Variants in RAB21 observed in about 807,000 individuals in gnomAD.
The protein encoded by RAB21 is RAB21, member RAS oncogene family.
A neutral mutation model predicts 33.1 loss-of-function variants in RAB21; 13 were observed. The ratio of observed to expected loss-of-function variants is 0.39; its 90% confidence interval spans 0.26 to 0.62. RAB21 has a LOEUF of 0.62. RAB21 is among the 20% of genes least tolerant of loss of function. The probability of loss-of-function intolerance (pLI) is 0.48; values close to 1 mark genes in which losing one functional copy is unlikely to be tolerated. For missense variants in RAB21, 234 were observed against 279.1 expected, an observed-to-expected ratio of 0.84 and a Z score of 1.15; for synonymous variants, 91 against 103.7, an observed-to-expected ratio of 0.88 and a Z score of 0.74.
chr12:71,771,479 T>TC (rs896786964), intron 3 of RAB21, among the ~76,000 whole-genome samples: 21 of 152,194 alleles, frequency 1.4e-4, no homozygotes, highest in Non-Finnish European at 2.8e-4. Context: ...TTATTTTTTT[T>TC]CCCAGTTAAA....
rs1222361207 is a variant in RAB21 at position 71,785,542 on chromosome 12, A to G, written c.547A>G (p.Thr183Ala). ...FLDLCKRMIETAQVDERAKGN... is the reference protein window; with the variant it reads ...FLDLCKRMIEAAQVDERAKGN... ...TCTCTCTGTCTTAGGGATGATAGAA[A>G]CAGCACAAGTGGATGAGAGAGCAAA... is the stretch of plus-strand genomic sequence containing the variant. The change falls in exon 7 of 7, where the codon ACA becomes GCA. Residue 183 changes from threonine to alanine, a missense_variant. Thr to Ala is a moderately conservative substitution (Grantham distance 58, BLOSUM62 0). Transcript: ENST00000261263. 6.2e-7 allele frequency: 1 copy of G among 1,613,972 alleles called. No homozygotes were observed. Among genetic ancestry groups the G allele is most frequent in the Non-Finnish European group, 8.5e-7 (1 of 1,179,942 alleles).
In RAB21 at chr12:71,788,575, A is replaced by G. The variant is rs948630772; in HGVS notation, c.*2902A>G. 2.0e-5 allele frequency: 3 copies of G among 152,178 alleles called. No individual in the cohort carries two copies. The highest frequency in any genetic ancestry group is 4.4e-5 in the Non-Finnish European group (3 of 68,012). The allele number at this position is 152,178 out of a possible 1,614,324, so 9.4% of individuals were successfully genotyped here. On this transcript the variant is annotated 3_prime_UTR_variant, in exon 7 of 7. Transcript: ENST00000261263. ...TTTCTGATGCTTTCTTCATTTCTCT[A>G]ATATACCTTTTGCATTCTTTTTCTG...
At chr12:71,785,461 T>C (rs1314128726) in intron 6 of RAB21, 70 bp from the exon 7 acceptor site, 3 of 1,541,180 alleles carry the variant, frequency 1.9e-6, no homozygotes, top group Non-Finnish European at 2.7e-6. Context: ...CATAGTGTTA[T>C]ACTGAAATTT....
rs1883416964 is a variant in RAB21 at position 71,793,504 on chromosome 12, T to C, written c.*7831T>C. ...CCTCCTGGCCCTTCTGGTTAGAAAA[T>C]AGAGCGAAATCATCCGTTTAAACAC... On this transcript the variant is annotated 3_prime_UTR_variant, in exon 7 of 7. Coordinates refer to ENST00000261263, the MANE Select transcript of RAB21 (RefSeq NM_014999.4). The C allele has an allele frequency of 6.6e-6, 1 of 152,158 alleles. No homozygotes were observed. Among genetic ancestry groups the C allele is most frequent in the Non-Finnish European group, 1.5e-5 (1 of 68,028 alleles). 9.4% of individuals were successfully genotyped at this position (152,158 alleles called of 1,614,324 possible). A position where few individuals can be genotyped will look rare whatever the true frequency, so the allele number is the denominator to read the frequency against.
rs537135649 is a variant in RAB21 at position 71,773,600 on chromosome 12, C to A, written c.328-359C>A. On this transcript the variant is annotated intron_variant, in intron 3 of 6. Transcript: ENST00000261263. ...TAGGGTATAAAAGACTGTTTTAAACCCATATGTTCCTAAGTCCAAAGTGAC... is the reference window on the plus strand; with the variant it reads ...TAGGGTATAAAAGACTGTTTTAAACACATATGTTCCTAAGTCCAAAGTGAC... Among the ~76,000 whole-genome samples, 10 of 152,082 alleles carry A rather than the reference C, an allele frequency of 6.6e-5. No individual in the cohort carries two copies. In the East Asian group the frequency reaches 1.9e-3, roughly 29 times the overall value.
chr12:71,778,962 CTTTAAT>C (rs1297510262), intron 4 of RAB21, among the ~76,000 whole-genome samples: 1 of 152,114 alleles, frequency 6.6e-6, no homozygotes, highest in Non-Finnish European at 1.5e-5. Context: ...CTGTCATGGA[CTTTAAT>C]TGTCTTACAA....
In RAB21 at chr12:71,789,013, T is replaced by G; in HGVS notation, c.*3340T>G. 1 of 151,980 alleles carries G rather than the reference T, an allele frequency of 6.6e-6. No individual in the cohort carries two copies. Among genetic ancestry groups the G allele is most frequent in the African/African-American group, 2.4e-5 (1 of 41,400 alleles). The allele number at this position is 151,980 out of a possible 1,614,324, so 9.4% of individuals were successfully genotyped here. On this transcript the variant is annotated 3_prime_UTR_variant, in exon 7 of 7. Coordinates refer to ENST00000261263, the MANE Select transcript of RAB21 (RefSeq NM_014999.4). ...GCATTGAAATCTTTTTTTTTTTTAA[T>G]AGTAGCCATATGTTATTAGTGGAGT...
chr12:71,767,491 G>GT (rs1044420527), intron 1 of RAB21, among the ~76,000 whole-genome samples: 8 of 151,792 alleles, frequency 5.3e-5, no homozygotes, highest in Non-Finnish European at 7.4e-5. Flanking sequence ...TTGTTGTGGG[G>GT]TTTTTTTTGT....
intron 1 of RAB21, among the ~76,000 whole-genome samples, chr12:71,763,101 GCACACACACACA>G (rs66460518): frequency 6.9e-6 from 1 of 145,468 alleles, no homozygotes; most frequent in Non-Finnish European, 1.5e-5. Flanking sequence ...TATTTTGCAC[GCACACACACACA>G]CACACACACA....
chr12:71,781,022 C>T (rs1883190366), intron 4 of RAB21, among the ~76,000 whole-genome samples: 1 of 152,100 alleles, frequency 6.6e-6, no homozygotes, highest in African/African-American at 2.4e-5. Flanking sequence ...CAGTATTTTG[C>T]AGTTTCTTCA....
chr12:71,757,659 TC>T (rs1209691562), intron 1 of RAB21, among the ~76,000 whole-genome samples: 1 of 152,256 alleles, frequency 6.6e-6, no homozygotes, highest in Non-Finnish European at 1.5e-5. Context: ...ACCTCATCTT[TC>T]TTAACAATTT....
chr12:71,771,276 C>T (rs1883038519), intron 3 of RAB21, among the ~76,000 whole-genome samples: 2 of 152,162 alleles, frequency 1.3e-5, no homozygotes, highest in Non-Finnish European at 2.9e-5. Context: ...AATGAGTTAC[C>T]ATTTAATTAC....
Position 71,787,710 on chromosome 12 carries a change from T to A in RAB21, c.*2037T>A, listed in dbSNP as rs1340086708. The A allele has an allele frequency of 2.0e-5, 3 of 152,176 alleles. No individual in the cohort carries two copies. Among genetic ancestry groups the A allele is most frequent in the Non-Finnish European group, 2.9e-5 (2 of 68,046 alleles). 9.4% of individuals were successfully genotyped at this position (152,176 alleles called of 1,614,324 possible). A position where few individuals can be genotyped will look rare whatever the true frequency, so the allele number is the denominator to read the frequency against. ...TGTCCTTGCTAAACTCAACACAGAC[T>A]TTTCTGTTATGTGTTTTTGAGGAAG... is the stretch of plus-strand genomic sequence containing the variant. On this transcript the variant is annotated 3_prime_UTR_variant, in exon 7 of 7. Coordinates refer to ENST00000261263, the MANE Select transcript of RAB21 (RefSeq NM_014999.4).
intron 4 of RAB21, 148 bp from the exon 5 acceptor site, chr12:71,781,883 C>T: frequency 1.7e-6 from 1 of 596,396 alleles, no homozygotes; most frequent in Non-Finnish European, 3.0e-6. Flanking sequence ...CAAGGCTTAA[C>T]TTTATAATTT....
At chr12:71,783,566 G>C (rs1037606372) in intron 6 of RAB21, among the ~76,000 whole-genome samples, 81 of 152,096 alleles carry the variant, frequency 5.3e-4, no homozygotes, top group Middle Eastern at 6.8e-3. Context: ...CTGATCAGCA[G>C]CATCAATATC....
intron 6 of RAB21, among the ~76,000 whole-genome samples, chr12:71,783,455 T>A (rs933962147): frequency 1.3e-5 from 2 of 151,574 alleles, no homozygotes. Flanking sequence ...TATGTGTGTG[T>A]GTGTGTACAC....
In RAB21 at chr12:71,757,435, C is replaced by T. The variant is rs138169746; in HGVS notation, c.159+2147C>T. ...ATACCCTTTCAACTTAAAAATTACACTTCCATTTTAAATTTCTAAAACATT... is the reference window on the plus strand; with the variant it reads ...ATACCCTTTCAACTTAAAAATTACATTTCCATTTTAAATTTCTAAAACATT... On this transcript the variant is annotated intron_variant, in intron 1 of 6. Coordinates refer to ENST00000261263, the MANE Select transcript of RAB21 (RefSeq NM_014999.4). Among the ~76,000 whole-genome samples the T allele has an allele frequency of 2.3e-3, 343 of 152,300 alleles. 4 individuals carry two copies. The East Asian group carries it at 0.046, about 21-fold the overall frequency.
chr12:71,781,996 A>G, intron 4 of RAB21, 35 bp from the exon 5 acceptor site: 1 of 1,451,662 alleles, frequency 6.9e-7, no homozygotes, highest in Non-Finnish European at 9.5e-7. Context: ...AAAATAAATC[A>G]GTATAAAGAT....
chr12:71,760,962 T>A (rs1882864371), intron 1 of RAB21, among the ~76,000 whole-genome samples: 2 of 151,840 alleles, frequency 1.3e-5, no homozygotes, highest in Admixed American at 1.3e-4. Flanking sequence ...TCCCATGCTT[T>A]GGGAGGATGA....
Sources: gnomAD v4.1 joint callset for allele counts (sites outside exome capture counted in the v4.1 genomes callset) on GRCh38, gnomAD v4.1.1 for gene constraint, MANE v1.5 for transcripts, NCBI Gene and HGNC (gene_info 2026-07-23, HGNC 2026-07-21) for gene names.